SFXN5: variants seen among roughly 807,000 people sequenced by gnomAD.
SFXN5 encodes the protein sideroflexin 5.
Under a neutral mutation model 50.2 loss-of-function variants are expected in SFXN5, and 43 were observed. That is an observed-to-expected ratio of 0.86 (90% CI 0.67 to 1.11). SFXN5 has a LOEUF of 1.11. Among genes scored for constraint, SFXN5 ranks in the 50% least tolerant of loss-of-function variants. The pLI is 0.00. For synonymous variants in SFXN5, 203 were observed against 185.8 expected (o/e 1.09, Z -0.75); for missense variants, 463 against 454.1 (o/e 1.02, Z -0.18).
rs1004027394 is a variant in SFXN5 at position 72,961,154 on chromosome 2, T to C, written c.922A>G (p.Ser308Gly). ...AFGLALPLAI[S>G]LFPQMSEIET... The stretch of plus-strand genomic sequence containing the variant: ...ACCTCTGACATTTGCGGGAAGAGGC[T>C]GATGGCCAGCGGCAGGGCCAGGCCG... Residue 308 changes from serine (S) to glycine (G), a missense_variant, in exon 13 of 14, where the codon AGC becomes GGC. By Grantham distance (56) the Ser-to-Gly change is moderately conservative. Transcript: ENST00000272433. This position sits in a 1 kb window ranked among gnomAD's most constrained non-coding sequence, Gnocchi z 4.4. 4.4e-6 allele frequency: 7 copies of C among 1,584,684 alleles called. No individual in the cohort carries two copies. The African/African-American group carries it at 8.2e-5, about 19-fold the overall frequency.
Position 73,039,420 on chromosome 2 carries a change from A to G in SFXN5, c.249+1434T>C, listed in dbSNP as rs1428601164. ...CAGATAAAACAAATTTGAAAAAGAG[A>G]CATAATCATGATACAACCAGTCTGA... On this transcript the variant is annotated intron_variant, in intron 3 of 13. Coordinates refer to ENST00000272433, the MANE Select transcript of SFXN5 (RefSeq NM_144579.3). Among the ~76,000 whole-genome samples the G allele has an allele frequency of 3.3e-5, 5 of 152,338 alleles. No individual in the cohort carries two copies. The South Asian group carries it at 6.2e-4, about 19-fold the overall frequency.
At chr2:73,023,382 G>T (rs72848112) in intron 3 of SFXN5, among the ~76,000 whole-genome samples, 168 bp from the exon 4 acceptor site, 3,953 of 152,266 alleles carry the variant, frequency 0.026, 66 homozygotes, top group Non-Finnish European at 0.037. Context: ...TATCCTGGGG[G>T]GGGTGACATC....
chr2:73,006,398 G>C (rs533530117), intron 6 of SFXN5, among the ~76,000 whole-genome samples: 1 of 152,330 alleles, frequency 6.6e-6, no homozygotes, highest in East Asian at 1.9e-4. Flanking sequence ...AAGGCAGGCG[G>C]ATCACCTGAG....
chr2:73,023,171 A>G lies in SFXN5; in HGVS notation c.276+17T>C. 1 of 1,601,208 alleles carries G rather than the reference A, an allele frequency of 6.2e-7. No individual in the cohort carries two copies. Among genetic ancestry groups the G allele is most frequent in the African/African-American group, 1.3e-5 (1 of 74,596 alleles). On this transcript the variant is annotated intron_variant, in intron 4 of 13. Coordinates refer to ENST00000272433, the MANE Select transcript of SFXN5 (RefSeq NM_144579.3). ...GACAACACGGAGAAGGAAATAGAGA[A>G]TCCAAAACTGGATTACCTGCTTGAT...
chr2:73,033,438 G>A (rs1440221561), intron 3 of SFXN5, among the ~76,000 whole-genome samples: 1 of 152,206 alleles, frequency 6.6e-6, no homozygotes, highest in Non-Finnish European at 1.5e-5. Context: ...CAAGAGGATA[G>A]CAAGTGTGAG....
intron 10 of SFXN5, among the ~76,000 whole-genome samples, chr2:72,987,117 T>G (rs1192720409): frequency 1.3e-5 from 2 of 152,156 alleles, no homozygotes; most frequent in African/African-American, 2.4e-5. Flanking sequence ...TTTGGGGTTT[T>G]TTTTGTTTTG....
intron 3 of SFXN5, among the ~76,000 whole-genome samples, chr2:73,025,323 A>C (rs1036512): frequency 0.35 from 52,709 of 151,446 alleles, 11,174 homozygotes; most frequent in African/African-American, 0.59. Context: ...GCATCCTCCC[A>C]CCTCTGGATT....
intron 9 of SFXN5, among the ~76,000 whole-genome samples, chr2:72,993,091 T>C (rs1451677503): frequency 6.6e-6 from 1 of 152,136 alleles, no homozygotes; most frequent in Non-Finnish European, 1.5e-5. Context: ...CATCAGTCAT[T>C]ATGGGGGTCC....
chr2:73,044,071 G>A (rs981347017), intron 2 of SFXN5, among the ~76,000 whole-genome samples: 3 of 152,110 alleles, frequency 2.0e-5, no homozygotes, highest in African/African-American at 7.2e-5. Context: ...ACTTTCCAAC[G>A]CTGAATGGTG....
intron 3 of SFXN5, among the ~76,000 whole-genome samples, chr2:73,026,172 G>T (rs1490193913): frequency 7.2e-6 from 1 of 139,312 alleles, no homozygotes; most frequent in Non-Finnish European, 1.5e-5. Context: ...CTGTCGCCCA[G>T]GCTGGAGTGC....
chr2:73,035,403 C>T (rs1210852406), intron 3 of SFXN5, among the ~76,000 whole-genome samples: 8 of 151,886 alleles, frequency 5.3e-5, no homozygotes, highest in African/African-American at 1.9e-4. Flanking sequence ...CGGTTACTAG[C>T]TCTTCAAATT....
intron 10 of SFXN5, among the ~76,000 whole-genome samples, chr2:72,976,843 T>C (rs764485694): frequency 6.6e-6 from 1 of 152,208 alleles, no homozygotes; most frequent in African/African-American, 2.4e-5. Context: ...TTAGAAACCA[T>C]ACTATAAGAT....
At chr2:73,019,721 C>T (rs1040203169) in intron 6 of SFXN5, 1 of 154,384 alleles carries the variant, frequency 6.5e-6, no homozygotes, top group Admixed American at 6.5e-5. Flanking sequence ...AGCCACCGCG[C>T]CCAGCCCTGG....
At chr2:73,047,279 C>T (rs1409078126) in intron 2 of SFXN5, among the ~76,000 whole-genome samples, 15 of 63,456 alleles carry the variant, frequency 2.4e-4, no homozygotes, top group African/African-American at 7.3e-4. Flanking sequence ...TATATATACA[C>T]ACATATATAT....
intron 2 of SFXN5, chr2:73,053,420 T>C (rs1681661226): frequency 6.5e-6 from 1 of 154,328 alleles, no homozygotes; most frequent in South Asian, 2.0e-4. Context: ...CGCTGTTTTT[T>C]TCCTCCTCTT....
At chr2:72,994,704 C>CCACCTG (rs1039612680) in intron 9 of SFXN5, 7 of 152,356 alleles carry the variant, frequency 4.6e-5, no homozygotes, top group Non-Finnish European at 7.3e-5. Flanking sequence ...CAGCCCACTT[C>CCACCTG]CACCTGCACC....
intron 11 of SFXN5, 44 bp downstream of exon 11, chr2:72,971,526 C>G: frequency 7.0e-7 from 1 of 1,429,866 alleles, no homozygotes; most frequent in Non-Finnish European, 9.8e-7. Flanking sequence ...CCACTCCCCT[C>G]CCCTGTTGCT....
chr2:73,065,617 G>C (rs1468155061), intron 1 of SFXN5, among the ~76,000 whole-genome samples: 1 of 151,804 alleles, frequency 6.6e-6, no homozygotes, highest in Non-Finnish European at 1.5e-5. Context: ...GGCTGGTCTT[G>C]AACTCCTGAC....
intron 1 of SFXN5, among the ~76,000 whole-genome samples, chr2:73,070,251 T>G (rs1001350395): frequency 6.6e-6 from 1 of 152,226 alleles, no homozygotes; most frequent in African/African-American, 2.4e-5. Context: ...GGAAGGAAGA[T>G]GCCAGTCTCG....
Sources: allele counts gnomAD v4.1 joint callset (sites outside exome capture counted in the v4.1 genomes callset), GRCh38; gene constraint gnomAD v4.1.1; non-coding constraint Gnocchi (gnomAD v3.1); transcripts MANE v1.5; gene names NCBI Gene and HGNC (gene_info 2026-07-23, HGNC 2026-07-21).